The following TNNT2 variants were observed in gnomAD, a reference collection of about 807,000 sequenced individuals.
TNNT2 encodes the protein troponin T, cardiac muscle.
In TNNT2, 34 loss-of-function variants were observed where a neutral mutation model predicts 62.4. The observed-to-expected ratio is 0.54, with a 90% confidence interval of 0.41 to 0.72. The LOEUF (loss-of-function observed/expected upper bound fraction) is 0.72. Ranked by LOEUF, TNNT2 falls within the 30% of genes least tolerant of loss-of-function variation. TNNT2 has a pLI of 0.00. For missense variants in TNNT2, 275 were observed against 381.9 expected, an observed-to-expected ratio of 0.72 and a Z score of 2.33; for synonymous variants, 123 against 127.2, an observed-to-expected ratio of 0.97 and a Z score of 0.22.
intron 2 of TNNT2, among the ~76,000 whole-genome samples, chr1:201,372,517 C>T (rs942472447): frequency 2.6e-5 from 4 of 152,198 alleles, no homozygotes; most frequent in African/African-American, 4.8e-5. Flanking sequence ...GTAAGACCTG[C>T]CTTCTCCACA....
chr1:201,365,382 C>A (rs943859816), intron 9 of TNNT2, 75 bp from the exon 10 acceptor site: 2 of 1,376,948 alleles, frequency 1.5e-6, no homozygotes, highest in Non-Finnish European at 2.1e-6. Context: ...GCTAGACACC[C>A]CCCAACGCAG....
At chr1:201,363,889 CTTTT>C (rs5780083) in intron 11 of TNNT2, 141 of 171,206 alleles carry the variant, frequency 8.2e-4, no homozygotes, top group East Asian at 1.9e-3. Flanking sequence ...CTTTTTTTTC[CTTTT>C]TTTTTTTTTT....
intron 5 of TNNT2, among the ~76,000 whole-genome samples, chr1:201,369,058 G>A (rs1389164059): frequency 6.6e-6 from 1 of 152,164 alleles, no homozygotes; most frequent in Non-Finnish European, 1.5e-5. Context: ...TAGCGAGGAA[G>A]GACATGGCCA....
intron 7 of TNNT2, chr1:201,367,198 G>T (rs1659823353): frequency 8.6e-6 from 4 of 463,336 alleles, no homozygotes; most frequent in South Asian, 4.1e-5. Flanking sequence ...CCTTTGGAAA[G>T]GTCCCCAAGG....
Position 201,365,199 on chromosome 1 carries a change from C to T in TNNT2, c.403G>A (p.Asp135Asn), listed in dbSNP as rs765359025. 15 of 1,613,758 alleles carry T rather than the reference C, an allele frequency of 9.3e-6. No homozygotes were observed. In the African/African-American group the frequency reaches 2.0e-4, roughly 22 times the overall value. ...KEEEELVSLKDRIERRRAERA... is the reference protein window; with the variant it reads ...KEEEELVSLKNRIERRRAERA... ...GCAGACTGGACACCTACGATCCTGT[C>T]TTTGAGAGAAACGAGCTCCTCCTCC... Residue 135 changes from aspartate to asparagine, a missense_variant, in exon 10 of 17, where the codon GAC becomes AAC. Physicochemically the swap from Asp to Asn is conservative, Grantham distance 23 (BLOSUM62 1). Transcript: ENST00000656932.
chr1:201,372,062 G>T, intron 3 of TNNT2, 21 bp from the exon 4 acceptor site: 1 of 1,613,852 alleles, frequency 6.2e-7, no homozygotes, highest in Non-Finnish European at 8.5e-7. Flanking sequence ...GAGAAGTCCA[G>T]GCAGCAAGAG....
chr1:201,377,066 C>A (rs892890040), intron 1 of TNNT2, among the ~76,000 whole-genome samples: 1 of 152,196 alleles, frequency 6.6e-6, no homozygotes, highest in African/African-American at 2.4e-5. Context: ...CACATCTGGT[C>A]GTTCTCAGTA....
Position 201,377,567 on chromosome 1 carries a change from C to T in TNNT2, c.-15+56G>A, listed in dbSNP as rs866724606. Reference sequence around the variant, plus strand: ...AATATGCCAGGGCCCAAGACCCTCACATCTCCCCGTCCATTCTCTGCTCTC... The same window carrying T: ...AATATGCCAGGGCCCAAGACCCTCATATCTCCCCGTCCATTCTCTGCTCTC... On this transcript the variant is annotated intron_variant, in intron 1 of 16. Coordinates refer to ENST00000656932, the MANE Select transcript of TNNT2 (RefSeq NM_001276345.2). The T allele has an allele frequency of 5.5e-5, 25 of 456,316 alleles. No individual in the cohort carries two copies. In the Middle Eastern group the frequency reaches 2.9e-3, roughly 53 times the overall value. The allele number at this position is 456,316 out of a possible 1,614,324, so 28.3% of individuals were successfully genotyped here.
chr1:201,376,887 C>T (rs902965630), intron 1 of TNNT2, among the ~76,000 whole-genome samples: 1 of 152,234 alleles, frequency 6.6e-6, no homozygotes, highest in Admixed American at 6.5e-5. Flanking sequence ...CAGCTGGGCT[C>T]ACACCCAAGG....
chr1:201,368,296 G>C (rs944350429), intron 5 of TNNT2, 69 bp from the exon 6 acceptor site: 2 of 1,541,100 alleles, frequency 1.3e-6, no homozygotes, highest in Non-Finnish European at 9.0e-7. Context: ...ACCCAGAGCA[G>C]AGAATGGGCA....
intron 4 of TNNT2, among the ~76,000 whole-genome samples, chr1:201,371,107 G>T (rs1264527967): frequency 6.6e-6 from 1 of 152,166 alleles, no homozygotes. Flanking sequence ...CAAGGGCGGG[G>T]CCACCTGGGC....
At chr1:201,370,668 G>A (rs887072617) in intron 4 of TNNT2, among the ~76,000 whole-genome samples, 4 of 152,182 alleles carry the variant, frequency 2.6e-5, no homozygotes, top group African/African-American at 9.6e-5. Flanking sequence ...TCTATTCATG[G>A]CAAGCAAGGC....
intron 2 of TNNT2, chr1:201,372,941 C>T (rs1458760045): frequency 4.8e-6 from 3 of 619,956 alleles, no homozygotes; most frequent in Non-Finnish European, 9.0e-6. Flanking sequence ...CTTCTCTGTT[C>T]ATGGCCCCTA....
At chr1:201,371,259 A>G (rs1660569990) in intron 4 of TNNT2, among the ~76,000 whole-genome samples, 1 of 152,180 alleles carries the variant, frequency 6.6e-6, no homozygotes, top group East Asian at 1.9e-4. Context: ...AGTCATTTCC[A>G]TGTGCCAAGC....
At chr1:201,361,625 C>T (rs766641943) in intron 14 of TNNT2, among the ~76,000 whole-genome samples, 1 of 152,210 alleles carries the variant, frequency 6.6e-6, no homozygotes, top group Admixed American at 6.5e-5. Context: ...GCCCTTCTGG[C>T]GCAGGAGAGC....
intron 4 of TNNT2, among the ~76,000 whole-genome samples, chr1:201,370,923 A>G (rs919764209): frequency 3.3e-5 from 5 of 152,250 alleles, no homozygotes; most frequent in African/African-American, 1.2e-4. Flanking sequence ...ATTCAAAAAT[A>G]TATTTCTGAT....
At chr1:201,373,136 G>A in intron 2 of TNNT2, 78 bp downstream of exon 2, 1 of 1,419,924 alleles carries the variant, frequency 7.0e-7, no homozygotes, top group Non-Finnish European at 1.0e-6. Flanking sequence ...CCGAGGGACA[G>A]CTGGGAGGCT....
At chr1:201,366,147 G>T (rs1489244723) in intron 8 of TNNT2, 9 of 1,070,048 alleles carry the variant, frequency 8.4e-6, no homozygotes, top group Non-Finnish European at 1.0e-5. Context: ...GTCCCCATCT[G>T]CCCTCAGGTG....
At position 201,372,650 on chromosome 1, in the gene TNNT2, C is replaced by T. The variant is rs1478372948; in HGVS notation, c.42-495G>A. 2.0e-5 allele frequency among the ~76,000 whole-genome samples: 3 copies of T among 152,218 alleles called. No individual in the cohort carries two copies. The East Asian group carries it at 5.8e-4, about 29-fold the overall frequency. The stretch of plus-strand genomic sequence containing the variant: ...CTTCTCCCAGTTTATGTCTTAACAT[C>T]TCAACAAGAGTAAGTTCTGTGAGGG... On this transcript the variant is annotated intron_variant, in intron 2 of 16. Transcript: ENST00000656932.
Sources: gnomAD v4.1 joint callset for allele counts (sites outside exome capture counted in the v4.1 genomes callset) on GRCh38, gnomAD v4.1.1 for gene constraint, MANE v1.5 for transcripts, NCBI Gene and HGNC (gene_info 2026-07-23, HGNC 2026-07-21) for gene names.